Variants in CEMIP observed in about 807,000 individuals in gnomAD.
CEMIP encodes cell migration-inducing and hyaluronan-binding protein.
Under a neutral mutation model 156.9 loss-of-function variants are expected in CEMIP, and 105 were observed. That is an observed-to-expected ratio of 0.67 (90% CI 0.57 to 0.79). The LOEUF (loss-of-function observed/expected upper bound fraction) is 0.79, where lower values mean the gene tolerates loss of function less well. CEMIP is among the 30% of genes least tolerant of loss of function. CEMIP has a pLI of 0.00. For missense variants in CEMIP, 1,457 were observed against 1,769.4 expected, an observed-to-expected ratio of 0.82 and a Z score of 3.17; for synonymous variants, 676 against 668.4, an observed-to-expected ratio of 1.01 and a Z score of -0.17.
intron 1 of CEMIP, among the ~76,000 whole-genome samples, chr15:80,868,284 G>A (rs1221737083): frequency 6.6e-6 from 1 of 152,166 alleles, no homozygotes; most frequent in Non-Finnish European, 1.5e-5. Flanking sequence ...TTGTCTACCA[G>A]GGGCAGAGAA....
chr15:80,797,839 T>A (rs1896271960), intron 1 of CEMIP, among the ~76,000 whole-genome samples: 1 of 152,204 alleles, frequency 6.6e-6, no homozygotes, highest in Admixed American at 6.5e-5. Context: ...TAACCCATCC[T>A]CACTAGGAAG....
chr15:80,891,972 A>C (rs1348971104), intron 10 of CEMIP, among the ~76,000 whole-genome samples: 2 of 152,222 alleles, frequency 1.3e-5, no homozygotes, highest in Non-Finnish European at 2.9e-5. Context: ...ATCAGCCAAA[A>C]GTTAAATGTC....
chr15:80,943,088 G>C lies in CEMIP; in HGVS notation c.3843G>C (p.Ala1281=), dbSNP rs769898133. The C allele has an allele frequency of 3.1e-6, 5 of 1,614,194 alleles. No individual in the cohort carries two copies. The highest frequency in any genetic ancestry group is 3.3e-5 in the Admixed American group (2 of 60,028). ...CATGGCAGCTTTTCAACTATGTGGC[G>C]ACCATCCCTGACAAGTGAGTCTGTA... ...GIPWQLFNYV[A]TIPDNSIVLM... The change falls in exon 28 of 30, where the codon GCG becomes GCC. Residue 1281 remains alanine, a synonymous_variant. Transcript: ENST00000394685.
At chr15:80,884,070 A>C (rs1249878887) in intron 6 of CEMIP, 105 bp from the exon 7 acceptor site, 21 of 1,110,542 alleles carry the variant, frequency 1.9e-5, no homozygotes, top group Non-Finnish European at 2.9e-5. Context: ...CAGCCCTGGG[A>C]TCATCGGATA....
rs1377461376 is a variant in CEMIP, at chr15:80,873,562, A to G, written c.-151A>G. On this transcript the variant is annotated 5_prime_UTR_variant, in exon 2 of 30. Coordinates refer to ENST00000394685, the MANE Select transcript of CEMIP (RefSeq NM_001293298.2). ...GAGAAAAGCTTCATTCTGGAGGGGA[A>G]GGAGTTTTGAGTGCCAAGGATGAAA... 1.0e-5 allele frequency: 4 copies of G among 385,698 alleles called. No individual in the cohort carries two copies. The highest frequency in any genetic ancestry group is 5.7e-5 in the East Asian group (1 of 17,678). The allele number at this position is 385,698 out of a possible 1,614,324, so 23.9% of individuals were successfully genotyped here.
chr15:80,920,195 C>T lies in CEMIP; in HGVS notation c.1899C>T (p.Val633=). The change falls in exon 15 of 30, where the codon GTC becomes GTT. Residue 633 remains valine (V), a synonymous_variant. Transcript: ENST00000394685. ...NTFDHCLGLL[V]KSGTLLPSDR... ...TTGACCACTGTCTTGGCCTCCTTGT[C>T]AAGTCTGGAACCCTCCTCCCCTCGG... 6.2e-7 allele frequency: 1 copy of T among 1,614,198 alleles called. No individual in the cohort carries two copies. The highest frequency in any genetic ancestry group is 8.5e-7 in the Non-Finnish European group (1 of 1,180,032).
intron 1 of CEMIP, among the ~76,000 whole-genome samples, chr15:80,779,964 G>T (rs956562508): frequency 1.3e-5 from 2 of 152,062 alleles, no homozygotes; most frequent in Non-Finnish European, 2.9e-5. Flanking sequence ...GGCACCGGGG[G>T]CTTGCGCCCG....
intron 24 of CEMIP, among the ~76,000 whole-genome samples, chr15:80,937,187 G>A (rs1901161420): frequency 6.6e-6 from 1 of 152,178 alleles, no homozygotes; most frequent in African/African-American, 2.4e-5. Flanking sequence ...AAGGTATGGC[G>A]GGCACCCAGG....
intron 1 of CEMIP, among the ~76,000 whole-genome samples, chr15:80,859,163 G>A (rs527881512): frequency 5.3e-5 from 8 of 152,310 alleles, no homozygotes; most frequent in Admixed American, 2.0e-4. Context: ...TGGCCAGGCC[G>A]GGTCACATAT....
At chr15:80,892,220 C>T (rs1899055415) in intron 10 of CEMIP, among the ~76,000 whole-genome samples, 2 of 151,996 alleles carry the variant, frequency 1.3e-5, no homozygotes, top group Non-Finnish European at 2.9e-5. Context: ...ATCCTCTGGG[C>T]CAGGGAGTGT....
At chr15:80,918,683 G>T (rs1306824629) in intron 14 of CEMIP, among the ~76,000 whole-genome samples, 1 of 152,176 alleles carries the variant, frequency 6.6e-6, no homozygotes, top group East Asian at 1.9e-4. Context: ...CAGGGGTGGG[G>T]ATGAAGGGTG....
Position 80,932,015 on chromosome 15 carries a change from C to T in CEMIP, c.2769C>T (p.Thr923=), listed in dbSNP as rs767669118. The T allele has an allele frequency of 8.1e-6, 13 of 1,613,882 alleles. No individual in the cohort carries two copies. The East Asian group carries it at 1.1e-4, about 14-fold the overall frequency. ...AGAGCTGCCCCCATAACAACGTGAC[C>T]GGCATTGCCTTTGAGGACGTTCCGG... The part of the protein sequence containing the change: ...AWQSCPHNNV[T]GIAFEDVPIT... Residue 923 remains threonine (T), a synonymous_variant, in exon 22 of 30, where the codon ACC becomes ACT. Coordinates refer to ENST00000394685, the MANE Select transcript of CEMIP (RefSeq NM_001293298.2). The surrounding 1 kb of genome is among the most constrained non-coding windows in gnomAD (Gnocchi z 4.5).
At chr15:80,822,216 G>A (rs1160073493) in intron 1 of CEMIP, among the ~76,000 whole-genome samples, 2 of 152,198 alleles carry the variant, frequency 1.3e-5, no homozygotes, top group South Asian at 4.1e-4. Flanking sequence ...ATCAGTCCCA[G>A]TGCCGAGCCC....
At chr15:80,930,424 C>A (rs886368852) in intron 21 of CEMIP, among the ~76,000 whole-genome samples, 7 of 152,214 alleles carry the variant, frequency 4.6e-5, no homozygotes, top group Non-Finnish European at 1.0e-4. Flanking sequence ...CAGACTGAGG[C>A]AGGTTCCTCA....
At chr15:80,876,424 C>T (rs917858563) in intron 3 of CEMIP, among the ~76,000 whole-genome samples, 2 of 152,238 alleles carry the variant, frequency 1.3e-5, no homozygotes, top group Non-Finnish European at 2.9e-5. Context: ...AAGCCCACGT[C>T]TTCCCACATT....
intron 1 of CEMIP, among the ~76,000 whole-genome samples, chr15:80,820,329 C>A (rs953329873): frequency 5.9e-5 from 9 of 152,190 alleles, no homozygotes; most frequent in African/African-American, 2.2e-4. Context: ...AATATTCAAG[C>A]AGAGCCCAGT....
At chr15:80,913,625 T>C (rs577675464) in intron 14 of CEMIP, among the ~76,000 whole-genome samples, 18 of 152,320 alleles carry the variant, frequency 1.2e-4, no homozygotes, top group Non-Finnish European at 2.1e-4. Context: ...TTAAACCAGA[T>C]AATGTATGTG....
intron 1 of CEMIP, among the ~76,000 whole-genome samples, chr15:80,840,964 G>A (rs1290209791): frequency 6.6e-6 from 1 of 152,214 alleles, no homozygotes; most frequent in Non-Finnish European, 1.5e-5. Flanking sequence ...GGCCACAAGG[G>A]GAGGAGGACA....
chr15:80,789,837 A>G (rs931278453), intron 1 of CEMIP, among the ~76,000 whole-genome samples: 1 of 152,226 alleles, frequency 6.6e-6, no homozygotes, highest in Non-Finnish European at 1.5e-5. Context: ...TCCATATAAA[A>G]TTTATTTAAA....
Sources: allele counts gnomAD v4.1 joint callset (sites outside exome capture counted in the v4.1 genomes callset), GRCh38; gene constraint gnomAD v4.1.1; non-coding constraint Gnocchi (gnomAD v3.1); transcripts MANE v1.5; gene names NCBI Gene and HGNC (gene_info 2026-07-23, HGNC 2026-07-21).